The following USP13 variants were observed in gnomAD, a reference collection of about 807,000 sequenced individuals.
The protein encoded by USP13 is ubiquitin carboxyl-terminal hydrolase 13.
A neutral mutation model predicts 107.8 loss-of-function variants in USP13; 68 were observed. The observed-to-expected ratio is 0.63, with a 90% CI of 0.52 to 0.77. USP13 has a LOEUF of 0.77. USP13 is among the 30% of genes least tolerant of loss of function. USP13 has a pLI of 0.00. For missense variants in USP13, 945 were observed against 1,093.3 expected, an observed-to-expected ratio of 0.86 and a Z score of 1.91; for synonymous variants, 377 against 389.5, an observed-to-expected ratio of 0.97 and a Z score of 0.38.
chr3:179,754,693 A>G, intron 14 of USP13, 39 bp from the exon 15 acceptor site: 1 of 1,600,600 alleles, frequency 6.2e-7, no homozygotes, highest in Non-Finnish European at 8.5e-7. Flanking sequence ...TAAGGTGATT[A>G]TGGAGAGCCC....
At chr3:179,767,260 C>T (rs1230418636) in intron 19 of USP13, among the ~76,000 whole-genome samples, 1 of 152,132 alleles carries the variant, frequency 6.6e-6, no homozygotes, top group Non-Finnish European at 1.5e-5. Context: ...GAGGTACATA[C>T]CATTATTATC....
chr3:179,701,782 T>G (rs1409038010), intron 4 of USP13, among the ~76,000 whole-genome samples: 2 of 152,196 alleles, frequency 1.3e-5, no homozygotes, highest in Non-Finnish European at 2.9e-5. Context: ...TCCTTTTCCT[T>G]TCTTTCGAAT....
intron 1 of USP13, among the ~76,000 whole-genome samples, chr3:179,661,071 G>A (rs116620286): frequency 1.3e-5 from 2 of 152,196 alleles, no homozygotes; most frequent in East Asian, 3.8e-4. Context: ...TGATGTCATT[G>A]CATGTCACGT....
intron 6 of USP13, among the ~76,000 whole-genome samples, chr3:179,713,282 C>T (rs1300151983): frequency 6.6e-5 from 10 of 151,794 alleles, no homozygotes; most frequent in Admixed American, 3.3e-4. Context: ...TTGATTCCTG[C>T]GAATATTGTG....
chr3:179,735,653 A>G (rs1023723715), intron 10 of USP13, among the ~76,000 whole-genome samples: 1 of 152,006 alleles, frequency 6.6e-6, no homozygotes, highest in Non-Finnish European at 1.5e-5. Context: ...AAATTTAAAC[A>G]TCCTCCTTTT....
intron 1 of USP13, among the ~76,000 whole-genome samples, chr3:179,658,442 C>A (rs1720354414): frequency 6.6e-6 from 1 of 151,882 alleles, no homozygotes. Context: ...TTCTGCCCCC[C>A]TCCCCACCTG....
At position 179,745,313 on chromosome 3, in the gene USP13, G is replaced by T. The variant is rs78077539; in HGVS notation, c.1709+96G>T. On this transcript the variant is annotated intron_variant, in intron 13 of 20. Coordinates refer to ENST00000263966, the MANE Select transcript of USP13 (RefSeq NM_003940.3). Reference sequence around the variant, plus strand: ...AAGGGGGTGGGTGTTATTTGTGTCTGTGTGTGTTTGTTCATGTGTGATGGA... The same window carrying T: ...AAGGGGGTGGGTGTTATTTGTGTCTTTGTGTGTTTGTTCATGTGTGATGGA... The T allele has an allele frequency of 2.7e-3, 3,855 of 1,434,998 alleles. 101 individuals carry two copies. The African/African-American group carries it at 0.049, about 18-fold the overall frequency. The allele number at this position is 1,434,998 out of a possible 1,614,324, so 88.9% of individuals were successfully genotyped here.
chr3:179,761,813 C>T (rs1340358218), intron 17 of USP13, among the ~76,000 whole-genome samples: 1 of 152,012 alleles, frequency 6.6e-6, no homozygotes, highest in Non-Finnish European at 1.5e-5. Context: ...AAGTCAGTGG[C>T]AAAAAGACCA....
intron 12 of USP13, among the ~76,000 whole-genome samples, chr3:179,744,751 A>G (rs1004208790): frequency 2.6e-5 from 4 of 152,136 alleles, no homozygotes; most frequent in African/African-American, 9.7e-5. Context: ...TATCACACAC[A>G]TGGTCTGGCC....
At chr3:179,700,545 C>A (rs1168718763) in intron 3 of USP13, among the ~76,000 whole-genome samples, 2 of 151,982 alleles carry the variant, frequency 1.3e-5, no homozygotes, top group African/African-American at 4.8e-5. Context: ...CTAAGTTTGT[C>A]AACTCTAAAA....
rs150977876 is a variant in USP13, at chr3:179,655,548, G to GTTTTTTT, written c.168+2157_168+2163dup. 6.0e-3 allele frequency among the ~76,000 whole-genome samples: 784 copies of GTTTTTTT among 130,876 alleles called. 68 individuals carry two copies. Among genetic ancestry groups the GTTTTTTT allele is most frequent in the African/African-American group, 0.024 (721 of 29,458 alleles). 85.9% of individuals were successfully genotyped at this position (130,876 alleles called of 152,430 possible). ...AAGCACAGTGCGTGATAATGGGAAG[G>GTTTTTTT]TTTTTTTTGTTTTGTTTTGTTTTTT... On this transcript the variant is annotated intron_variant, in intron 1 of 20. Transcript: ENST00000263966.
At chr3:179,681,165 G>A (rs1479833432) in intron 1 of USP13, among the ~76,000 whole-genome samples, 1 of 152,222 alleles carries the variant, frequency 6.6e-6, no homozygotes, top group Non-Finnish European at 1.5e-5. Context: ...GGGCTGGGGT[G>A]AAGCCACCGC....
At chr3:179,783,224 C>G (rs1715808358) in intron 20 of USP13, among the ~76,000 whole-genome samples, 1 of 151,854 alleles carries the variant, frequency 6.6e-6, no homozygotes, top group African/African-American at 2.4e-5. Context: ...TAAAAATATA[C>G]AAAGAATATG....
intron 19 of USP13, among the ~76,000 whole-genome samples, chr3:179,781,292 G>A (rs1051254252): frequency 2.0e-5 from 3 of 152,042 alleles, no homozygotes; most frequent in African/African-American, 4.8e-5. Flanking sequence ...TGGTATTTCA[G>A]TCTGAATTGC....
Position 179,742,074 on chromosome 3 carries a change from G to GC in USP13, c.1381-122dup. On this transcript the variant is annotated intron_variant, in intron 11 of 20. Coordinates refer to ENST00000263966, the MANE Select transcript of USP13 (RefSeq NM_003940.3). This position sits in a 1 kb window ranked among gnomAD's most constrained non-coding sequence, Gnocchi z 5.0. ...TCTATTAAAGTGCTTTGGTGAATGG[G>GC]CATGGCCAGAGGAAATGTTTAATAA... is the stretch of plus-strand genomic sequence containing the variant. The GC allele has an allele frequency of 8.3e-7, 1 of 1,209,742 alleles. No individual in the cohort carries two copies. Among genetic ancestry groups the GC allele is most frequent in the South Asian group, 1.5e-5 (1 of 65,116 alleles). The allele number at this position is 1,209,742 out of a possible 1,614,324, so 74.9% of individuals were successfully genotyped here. A position where few individuals can be genotyped will look rare whatever the true frequency, so the allele number is the denominator to read the frequency against.
chr3:179,774,341 G>A (rs1311671873), intron 19 of USP13, among the ~76,000 whole-genome samples: 1 of 152,118 alleles, frequency 6.6e-6, no homozygotes, highest in Non-Finnish European at 1.5e-5. Context: ...ATGAAGCCGC[G>A]GACCCTCCCT....
chr3:179,658,690 ATG>A (rs1486843243), intron 1 of USP13, among the ~76,000 whole-genome samples: 1 of 152,222 alleles, frequency 6.6e-6, no homozygotes, highest in Non-Finnish European at 1.5e-5. Context: ...TAACTGCAGA[ATG>A]TGCCTCAGAA....
At chr3:179,714,621 A>T (rs968287727) in intron 6 of USP13, among the ~76,000 whole-genome samples, 1 of 152,178 alleles carries the variant, frequency 6.6e-6, no homozygotes, top group Non-Finnish European at 1.5e-5. Context: ...GGAGGAAGAC[A>T]CACCAACAAA....
At chr3:179,758,208 A>G (rs1316511063) in intron 16 of USP13, among the ~76,000 whole-genome samples, 7 of 152,030 alleles carry the variant, frequency 4.6e-5, no homozygotes, top group Non-Finnish European at 1.0e-4. Flanking sequence ...TAGGGCTAGG[A>G]GTTACCTTGC....
Sources: gnomAD v4.1 joint callset for allele counts (sites outside exome capture counted in the v4.1 genomes callset) on GRCh38, gnomAD v4.1.1 for gene constraint, Gnocchi (gnomAD v3.1) non-coding constraint, MANE v1.5 for transcripts, NCBI Gene and HGNC (gene_info 2026-07-23, HGNC 2026-07-21) for gene names.